SCHIP1: variants seen among roughly 807,000 people sequenced by gnomAD.
SCHIP1 encodes the protein schwannomin interacting protein 1.
A neutral mutation model predicts 29.7 loss-of-function variants in SCHIP1; 8 were observed. That is an observed-to-expected ratio of 0.27 (90% CI 0.16 to 0.49). SCHIP1 has a LOEUF of 0.49. Among genes scored for constraint, SCHIP1 ranks in the 20% least tolerant of loss-of-function variants. The pLI is 0.99. For synonymous variants in SCHIP1, 76 were observed against 94.9 expected, an observed-to-expected ratio of 0.80 and a Z score of 1.16; for missense variants, 193 against 294.6, an observed-to-expected ratio of 0.66 and a Z score of 2.52.
chr3:159,677,711 T>TG, the SCHIP1 span, among the ~76,000 whole-genome samples: 5 of 152,308 alleles, frequency 3.3e-5, no homozygotes, highest in South Asian at 4.1e-4. Context: ...TCTCTAGCTC[T>TG]GGGGGGATCC....
the SCHIP1 span, among the ~76,000 whole-genome samples, chr3:159,447,099 T>A: frequency 6.6e-6 from 1 of 152,134 alleles, no homozygotes; most frequent in Non-Finnish European, 1.5e-5. Context: ...ATGTACTGAC[T>A]CCAACTAAAC....
chr3:159,782,212 G>A, the SCHIP1 span, among the ~76,000 whole-genome samples: 7 of 152,374 alleles, frequency 4.6e-5, no homozygotes, highest in African/African-American at 1.7e-4. Context: ...CTATGGCAGA[G>A]TGCTGGGCCA....
chr3:159,480,532 C>A, the SCHIP1 span, among the ~76,000 whole-genome samples: 4 of 152,074 alleles, frequency 2.6e-5, no homozygotes, highest in African/African-American at 9.7e-5. Context: ...AATATAATTT[C>A]TTTGGGAATT....
the SCHIP1 span, among the ~76,000 whole-genome samples, chr3:159,436,263 A>G: frequency 6.6e-6 from 1 of 152,206 alleles, no homozygotes; most frequent in Non-Finnish European, 1.5e-5. Context: ...CATGAAAAGT[A>G]GTAGTGTAGG....
At chr3:159,642,300 T>G in the SCHIP1 span, among the ~76,000 whole-genome samples, 3 of 152,176 alleles carry the variant, frequency 2.0e-5, no homozygotes, top group East Asian at 5.8e-4. Flanking sequence ...GATCTAAGTA[T>G]GTATGACCCT....
At chr3:159,309,293 G>A in the SCHIP1 span, 6 of 168,444 alleles carry the variant, frequency 3.6e-5, no homozygotes, top group Admixed American at 6.6e-5. Context: ...GGTTAGTCAC[G>A]TTTAAAATAA....
chr3:159,285,826 A>G, the SCHIP1 span, among the ~76,000 whole-genome samples: 1 of 152,168 alleles, frequency 6.6e-6, no homozygotes. Context: ...CTTGCTGGGC[A>G]TTGACCTAGC....
the SCHIP1 span, among the ~76,000 whole-genome samples, chr3:159,498,561 T>C: frequency 2.5e-3 from 374 of 152,244 alleles, 2 homozygotes; most frequent in Non-Finnish European, 1.5e-3. Flanking sequence ...ATTCTTTACA[T>C]GGAAGTTTAG....
At chr3:159,372,005 A>G in the SCHIP1 span, among the ~76,000 whole-genome samples, 2 of 152,174 alleles carry the variant, frequency 1.3e-5, no homozygotes, top group Admixed American at 6.5e-5. Flanking sequence ...AAGATATTCC[A>G]TGATGCAACT....
chr3:159,560,578 C>T, the SCHIP1 span, among the ~76,000 whole-genome samples: 1 of 152,084 alleles, frequency 6.6e-6, no homozygotes, highest in South Asian at 2.1e-4. Flanking sequence ...TTGCTAAGTC[C>T]CCTACAGCCC....
chr3:159,445,270 G>GA, the SCHIP1 span, among the ~76,000 whole-genome samples: 55 of 152,076 alleles, frequency 3.6e-4, 1 homozygote, highest in African/African-American at 1.3e-3. Flanking sequence ...AAAGACACAT[G>GA]AAAAAATGCT....
the SCHIP1 span, among the ~76,000 whole-genome samples, chr3:159,493,904 C>G: frequency 2.6e-5 from 4 of 151,828 alleles, no homozygotes; most frequent in African/African-American, 9.7e-5. Context: ...CAAACTGTCT[C>G]TCAGACCACA....
chr3:159,393,279 T>C, the SCHIP1 span, among the ~76,000 whole-genome samples: 208 of 152,314 alleles, frequency 1.4e-3, no homozygotes, highest in Non-Finnish European at 2.6e-3. Context: ...TTCACTCTGA[T>C]GGTAGTTTCT....
At chr3:159,659,500 T>C in the SCHIP1 span, among the ~76,000 whole-genome samples, 2 of 152,206 alleles carry the variant, frequency 1.3e-5, no homozygotes, top group Non-Finnish European at 1.5e-5. Flanking sequence ...TTTACCTGCA[T>C]GGCACTGCTA....
At chr3:159,893,370 T>A (rs894361375) in intron 6 of SCHIP1, 9 of 152,178 alleles carry the variant, frequency 5.9e-5, no homozygotes, top group Non-Finnish European at 8.8e-5. Flanking sequence ...TCAAATAATA[T>A]TATTGCCATC....
the SCHIP1 span, among the ~76,000 whole-genome samples, chr3:159,704,808 A>G: frequency 6.6e-6 from 1 of 151,400 alleles, no homozygotes; most frequent in Non-Finnish European, 1.5e-5. Flanking sequence ...ATAATACAAT[A>G]TTTTCTTTCT....
At chr3:159,858,102 C>A (rs553844557) in intron 1 of SCHIP1, among the ~76,000 whole-genome samples, 1 of 152,312 alleles carries the variant, frequency 6.6e-6, no homozygotes, top group East Asian at 1.9e-4. Flanking sequence ...GTGTTCCTGT[C>A]AGTGATACTG....
chr3:159,403,366 A>G, the SCHIP1 span, among the ~76,000 whole-genome samples: 1 of 152,198 alleles, frequency 6.6e-6, no homozygotes, highest in Non-Finnish European at 1.5e-5. Flanking sequence ...TTTTAACATC[A>G]TGTCAGGTAA....
the SCHIP1 span, among the ~76,000 whole-genome samples, chr3:159,751,693 C>T: frequency 1.1e-4 from 16 of 152,012 alleles, no homozygotes; most frequent in Admixed American, 4.6e-4. Context: ...GACAGGTGCC[C>T]GCCACCATGC....
Sources: allele counts gnomAD v4.1 joint callset (sites outside exome capture counted in the v4.1 genomes callset), GRCh38; gene constraint gnomAD v4.1.1; transcripts MANE v1.5; gene names NCBI Gene and HGNC (gene_info 2026-07-23, HGNC 2026-07-21).